ZNF462: variants seen among roughly 807,000 people sequenced by gnomAD.
The protein encoded by ZNF462 is zinc finger protein 462, also known as zinc finger PBX1-interacting protein.
In ZNF462, 10 loss-of-function variants were observed where a neutral mutation model predicts 201.9. That is an observed-to-expected ratio of 0.05 (90% confidence interval 0.03 to 0.08). The LOEUF is 0.08. Ranked by LOEUF, ZNF462 falls within the 10% of genes least tolerant of loss-of-function variation. ZNF462 has a pLI of 1.00. For synonymous variants in ZNF462, 1,227 were observed against 1,193.3 expected, an observed-to-expected ratio of 1.03 and a Z score of -0.58; for missense variants, 2,523 against 3,168.3, an observed-to-expected ratio of 0.80 and a Z score of 4.89.
rs1368350302 is a variant in ZNF462 at position 106,954,947 on chromosome 9, A to T, written c.6427+15840A>T. Among the ~76,000 whole-genome samples, 1 of 152,122 alleles carries T rather than the reference A, an allele frequency of 6.6e-6. No individual in the cohort carries two copies. The highest frequency in any genetic ancestry group is 1.5e-5 in the Non-Finnish European group (1 of 68,012). ...TAGAGTAGATGTCCTGTAAATGTAAAATGAAAATTTGTTGTGTCCTGTAAA... is the reference window on the plus strand; with the variant it reads ...TAGAGTAGATGTCCTGTAAATGTAATATGAAAATTTGTTGTGTCCTGTAAA... On this transcript the variant is annotated intron_variant, in intron 7 of 12. Transcript: ENST00000277225. The surrounding 1 kb of genome is among the most constrained non-coding windows in gnomAD (Gnocchi z 4.0).
At position 107,009,723 on chromosome 9, in the gene ZNF462, GGGA is replaced by G; in HGVS notation, c.7313+58_7313+60del. 1 of 1,577,694 alleles carries G rather than the reference GGGA, an allele frequency of 6.3e-7. No homozygotes were observed. The highest frequency in any genetic ancestry group is 8.7e-7 in the Non-Finnish European group (1 of 1,152,886). ...GTCCAAAGCAAGAGGTAGGGAGGGAGGGAGGGGCTCTTGTTTTGGTTCCCCTGA... is the reference window on the plus strand; with the variant it reads ...GTCCAAAGCAAGAGGTAGGGAGGGAGGGGGCTCTTGTTTTGGTTCCCCTGA... On this transcript the variant is annotated intron_variant, in intron 12 of 12. Coordinates refer to ENST00000277225, the MANE Select transcript of ZNF462 (RefSeq NM_021224.6). This position sits in a 1 kb window ranked among gnomAD's most constrained non-coding sequence, Gnocchi z 6.1.
At chr9:106,882,523 A>G (rs1315003889) in intron 1 of ZNF462, among the ~76,000 whole-genome samples, 1 of 152,242 alleles carries the variant, frequency 6.6e-6, no homozygotes, top group African/African-American at 2.4e-5. Flanking sequence ...CATATTATGT[A>G]CATTTTGAAG....
rs1215762227 is a variant in ZNF462 at position 106,925,954 on chromosome 9, A to G, written c.2042A>G (p.Asn681Ser). ...GCTAAAGCCTCTAGGAAGCTCGCCAATGACTTTCCTCTAGATTTGTCACCC... is the reference window on the plus strand; with the variant it reads ...GCTAAAGCCTCTAGGAAGCTCGCCAGTGACTTTCCTCTAGATTTGTCACCC... ...FVAKASRKLA[N>S]DFPLDLSPVK... The change falls in exon 3 of 13, where the codon AAT becomes AGT. Residue 681 changes from asparagine to serine, a missense_variant. By Grantham distance (46) the Asn-to-Ser change is conservative. Coordinates refer to ENST00000277225, the MANE Select transcript of ZNF462 (RefSeq NM_021224.6). This position sits in a 1 kb window ranked among gnomAD's most constrained non-coding sequence, Gnocchi z 7.9. The G allele has an allele frequency of 9.9e-6, 16 of 1,614,200 alleles. No homozygotes were observed. The highest frequency in any genetic ancestry group is 1.3e-5 in the Non-Finnish European group (15 of 1,180,040).
chr9:106,926,356 C>A lies in ZNF462; in HGVS notation c.2444C>A (p.Thr815Asn). The change falls in exon 3 of 13, where the codon ACT becomes AAT. Residue 815 changes from threonine (T) to asparagine (N), a missense_variant. By Grantham distance (65) the Thr-to-Asn change is moderately conservative (BLOSUM62 0). Around this residue, in one of 15 missense-constraint regions of ZNF462, gnomAD observed 383 missense variants for 453.4 expected, o/e 0.84. Coordinates refer to ENST00000277225, the MANE Select transcript of ZNF462 (RefSeq NM_021224.6). This position sits in a 1 kb window ranked among gnomAD's most constrained non-coding sequence, Gnocchi z 7.9. ...TNLKDHQVSN[T>N]ALLNTQTPIY... Reference sequence around the variant, plus strand: ...TTGAAAGATCACCAAGTTTCCAATACTGCTCTGCTGAATACCCAAACTCCC... The same window carrying A: ...TTGAAAGATCACCAAGTTTCCAATAATGCTCTGCTGAATACCCAAACTCCC... 6.2e-7 allele frequency: 1 copy of A among 1,614,186 alleles called. No individual in the cohort carries two copies. Among genetic ancestry groups the A allele is most frequent in the African/African-American group, 1.3e-5 (1 of 75,032 alleles).
At chr9:106,894,757 G>A (rs1017376688) in intron 1 of ZNF462, among the ~76,000 whole-genome samples, 2 of 152,140 alleles carry the variant, frequency 1.3e-5, no homozygotes, top group South Asian at 2.1e-4. Context: ...ATATGGTGCT[G>A]TAAGTCTAAA....
Position 106,935,394 on chromosome 9 carries a change from G to A in ZNF462, c.6117-109G>A. The A allele has an allele frequency of 1.2e-6, 1 of 825,368 alleles. No homozygotes were observed. Among genetic ancestry groups the A allele is most frequent in the Non-Finnish European group, 1.9e-6 (1 of 515,818 alleles). The allele number at this position is 825,368 out of a possible 1,614,324, so 51.1% of individuals were successfully genotyped here. A position where few individuals can be genotyped will look rare whatever the true frequency, so the allele number is the denominator to read the frequency against. On this transcript the variant is annotated intron_variant, in intron 5 of 12. Coordinates refer to ENST00000277225, the MANE Select transcript of ZNF462 (RefSeq NM_021224.6). This position sits in a 1 kb window ranked among gnomAD's most constrained non-coding sequence, Gnocchi z 4.1. ...TGCCATTATTGGAAAGTAAACAAAAGGACTTTGAACGACCTAGAAGTAGGA... is the reference window on the plus strand; with the variant it reads ...TGCCATTATTGGAAAGTAAACAAAAAGACTTTGAACGACCTAGAAGTAGGA...
rs1286672910 is a variant in ZNF462, at chr9:107,012,718, T to G, written c.*1688T>G. On this transcript the variant is annotated 3_prime_UTR_variant, in exon 13 of 13. Transcript: ENST00000277225. ...GAATCCTTTGGTTTTCATGTTTTTT[T>G]TTTTTTTTTTTTACTTGGAAGGGTT... 18 of 145,520 alleles carry G rather than the reference T, an allele frequency of 1.2e-4. No homozygotes were observed. The South Asian group carries it at 1.3e-3, about 10-fold the overall frequency. 9.0% of individuals were successfully genotyped at this position (145,520 alleles called of 1,614,324 possible). A position where few individuals can be genotyped will look rare whatever the true frequency, so the allele number is the denominator to read the frequency against.
rs1449801825 is a variant in ZNF462 at position 106,930,771 on chromosome 9, G to GAAAGAGCATCTCAGA, written c.6012+84_6012+98dup. 5.2e-6 allele frequency: 8 copies of GAAAGAGCATCTCAGA among 1,528,214 alleles called. No individual in the cohort carries two copies. The highest frequency in any genetic ancestry group is 7.1e-6 in the Non-Finnish European group (8 of 1,121,516). 94.7% of individuals were successfully genotyped at this position (1,528,214 alleles called of 1,614,324 possible). ...AACCCCATTGCCTAAAGCAGCTCAG[G>GAAAGAGCATCTCAGA]AAAGAGCATCTCAGAATGCGGGCAT... On this transcript the variant is annotated intron_variant, in intron 4 of 12. Coordinates refer to ENST00000277225, the MANE Select transcript of ZNF462 (RefSeq NM_021224.6). This position sits in a 1 kb window ranked among gnomAD's most constrained non-coding sequence, Gnocchi z 5.8.
chr9:106,909,967 G>T (rs755961871), intron 1 of ZNF462, among the ~76,000 whole-genome samples: 4 of 152,010 alleles, frequency 2.6e-5, no homozygotes, highest in Non-Finnish European at 5.9e-5. Context: ...CCTTTTATCT[G>T]TATGTTCGAT....
rs905233988 is a variant in ZNF462 at position 106,895,463 on chromosome 9, AT to A, written c.-30-27890del. Among the ~76,000 whole-genome samples, 64 of 152,176 alleles carry A rather than the reference AT, an allele frequency of 4.2e-4. No individual in the cohort carries two copies. The highest frequency in any genetic ancestry group is 1.4e-3 in the African/African-American group (59 of 41,506). Reference sequence around the variant, plus strand: ...GCTGCTTAGCAGCCTGTTTCCCACCATCCTCTTCACCTCTAGGAGTCCCTCA... The same window carrying A: ...GCTGCTTAGCAGCCTGTTTCCCACCACCTCTTCACCTCTAGGAGTCCCTCA... On this transcript the variant is annotated intron_variant, in intron 1 of 12. Coordinates refer to ENST00000277225, the MANE Select transcript of ZNF462 (RefSeq NM_021224.6). The surrounding 1 kb of genome is among the most constrained non-coding windows in gnomAD (Gnocchi z 4.4).
Position 106,864,109 on chromosome 9 carries a change from T to C in ZNF462, c.-31+754T>C, listed in dbSNP as rs867719627. Among the ~76,000 whole-genome samples the C allele has an allele frequency of 8.0e-3, 927 of 115,338 alleles. 18 individuals are homozygous for C. The highest frequency in any genetic ancestry group is 0.028 in the African/African-American group (767 of 27,166). 75.7% of individuals were successfully genotyped at this position (115,338 alleles called of 152,430 possible). On this transcript the variant is annotated intron_variant, in intron 1 of 12. Transcript: ENST00000277225. The stretch of plus-strand genomic sequence containing the variant: ...CTCTCTCTCTCTCTCTCTCTCTCTC[T>C]CCCTCTCCCCGAAGTTGGGATGCGG...
At chr9:106,989,624 T>C (rs911522583) in intron 10 of ZNF462, among the ~76,000 whole-genome samples, 10 of 152,052 alleles carry the variant, frequency 6.6e-5, no homozygotes, top group Admixed American at 6.6e-4. Context: ...TACCAATCCT[T>C]TGAGTACCAA....
At position 107,009,472 on chromosome 9, in the gene ZNF462, C is replaced by G. The variant is rs1317564665; in HGVS notation, c.7190-73C>G. 2 of 1,589,440 alleles carry G rather than the reference C, an allele frequency of 1.3e-6. No individual in the cohort carries two copies. The highest frequency in any genetic ancestry group is 1.3e-5 in the African/African-American group (1 of 74,678). Reference sequence around the variant, plus strand: ...CAGTGAAGGTAGGAGAGAGGGTATCCTAATGAATGCTGACTTACCTATTCT... The same window carrying G: ...CAGTGAAGGTAGGAGAGAGGGTATCGTAATGAATGCTGACTTACCTATTCT... On this transcript the variant is annotated intron_variant, in intron 11 of 12. Coordinates refer to ENST00000277225, the MANE Select transcript of ZNF462 (RefSeq NM_021224.6). This position sits in a 1 kb window ranked among gnomAD's most constrained non-coding sequence, Gnocchi z 6.1.
Position 106,930,822 on chromosome 9 carries a change from G to A in ZNF462, c.6012+133G>A. The A allele has an allele frequency of 8.6e-7, 1 of 1,163,376 alleles. No individual in the cohort carries two copies. Among genetic ancestry groups the A allele is most frequent in the East Asian group, 2.6e-5 (1 of 38,490 alleles). 72.1% of individuals were successfully genotyped at this position (1,163,376 alleles called of 1,614,324 possible). On this transcript the variant is annotated intron_variant, in intron 4 of 12. Coordinates refer to ENST00000277225, the MANE Select transcript of ZNF462 (RefSeq NM_021224.6). This position sits in a 1 kb window ranked among gnomAD's most constrained non-coding sequence, Gnocchi z 5.8. ...TCCTGAATTATGCTTGGATTGGTTTGGCTTGTTTTGATTTCTTTGCAGGTT... is the reference window on the plus strand; with the variant it reads ...TCCTGAATTATGCTTGGATTGGTTTAGCTTGTTTTGATTTCTTTGCAGGTT...
Position 106,978,413 on chromosome 9 carries a change from G to C in ZNF462, c.6832+4140G>C, listed in dbSNP as rs1464840392. Among the ~76,000 whole-genome samples, 3 of 151,662 alleles carry C rather than the reference G, an allele frequency of 2.0e-5. 1 individual carries two copies. Among genetic ancestry groups the C allele is most frequent in the Admixed American group, 6.5e-5 (1 of 15,268 alleles). ...TACTAATATAGAAGTTGGAACTTTA[G>C]TCAGTAGACAGATGGGAAGCCAGGA... On this transcript the variant is annotated intron_variant, in intron 9 of 12. Transcript: ENST00000277225. This position sits in a 1 kb window ranked among gnomAD's most constrained non-coding sequence, Gnocchi z 4.1.
intron 11 of ZNF462, among the ~76,000 whole-genome samples, chr9:107,007,584 C>A (rs925035669): frequency 2.6e-5 from 4 of 152,212 alleles, no homozygotes; most frequent in Non-Finnish European, 4.4e-5. Flanking sequence ...CCTTCCCCCT[C>A]GCCGATCCTT....
chr9:106,936,850 T>TA (rs1451790026), intron 6 of ZNF462, among the ~76,000 whole-genome samples: 1 of 152,200 alleles, frequency 6.6e-6, no homozygotes, highest in Non-Finnish European at 1.5e-5. Context: ...GCCAGCGTAT[T>TA]AAGCTGAAGT....
chr9:106,889,484 C>A (rs540890661), intron 1 of ZNF462, among the ~76,000 whole-genome samples: 1 of 152,284 alleles, frequency 6.6e-6, no homozygotes, highest in East Asian at 1.9e-4. Context: ...GACTGTGATT[C>A]CCCCTGCTCT....
At chr9:106,944,325 A>G (rs543401211) in intron 7 of ZNF462, among the ~76,000 whole-genome samples, 2 of 152,300 alleles carry the variant, frequency 1.3e-5, no homozygotes, top group Admixed American at 1.3e-4. Flanking sequence ...CTACCTGAAA[A>G]CTTTTCCCAT....
Sources: gnomAD v4.1 joint callset for allele counts (sites outside exome capture counted in the v4.1 genomes callset) on GRCh38, gnomAD v4.1.1 for gene constraint, gnomAD v4.1.1 regional missense constraint, Gnocchi (gnomAD v3.1) non-coding constraint, MANE v1.5 for transcripts, NCBI Gene and HGNC (gene_info 2026-07-23, HGNC 2026-07-21) for gene names.